ZC2HC1A: variants seen among roughly 807,000 people sequenced by gnomAD.
The protein encoded by ZC2HC1A is zinc finger C2HC domain-containing protein 1A.
In ZC2HC1A, 28 loss-of-function variants were observed where a neutral mutation model predicts 40.7. The ratio of observed to expected loss-of-function variants is 0.69; its 90% CI spans 0.51 to 0.94. The LOEUF (loss-of-function observed/expected upper bound fraction) is 0.94, where lower values mean the gene tolerates loss of function less well. ZC2HC1A is among the 40% of genes least tolerant of loss of function. ZC2HC1A has a pLI of 0.00. For synonymous variants in ZC2HC1A, 129 were observed against 129.2 expected, an observed-to-expected ratio of 1.00 and a Z score of 0.01; for missense variants, 389 against 386.3, an observed-to-expected ratio of 1.01 and a Z score of -0.06.
chr8:78,669,412 C>T (rs1412990841), intron 1 of ZC2HC1A, among the ~76,000 whole-genome samples: 3 of 152,100 alleles, frequency 2.0e-5, no homozygotes, highest in Non-Finnish European at 4.4e-5. Flanking sequence ...ATAGGAGGCC[C>T]TCTCAGTGTG....
intron 7 of ZC2HC1A, among the ~76,000 whole-genome samples, chr8:78,705,035 A>G (rs1161246345): frequency 1.3e-5 from 2 of 152,070 alleles, no homozygotes; most frequent in African/African-American, 2.4e-5. Context: ...CTTTCATTGG[A>G]TTACAATGTA....
At position 78,685,200 on chromosome 8, in the gene ZC2HC1A, G is replaced by T. The variant is rs376510487; in HGVS notation, c.211-1267G>T. 4.3e-4 allele frequency among the ~76,000 whole-genome samples: 66 copies of T among 152,252 alleles called. 1 individual carries two copies. In the South Asian group the frequency reaches 0.013, roughly 31 times the overall value. On this transcript the variant is annotated intron_variant, in intron 3 of 8. Coordinates refer to ENST00000263849, the MANE Select transcript of ZC2HC1A (RefSeq NM_016010.3). The stretch of plus-strand genomic sequence containing the variant: ...ATTATACAGGTGTTATTTCAATTCT[G>T]TTGTGGGGGGACAGGGAGGGGAGAG...
chr8:78,675,680 T>C, intron 1 of ZC2HC1A, 107 bp from the exon 2 acceptor site: 1 of 1,049,456 alleles, frequency 9.5e-7, no homozygotes, highest in Non-Finnish European at 1.4e-6. Flanking sequence ...AAAACATTTT[T>C]CACAAAAACT....
At chr8:78,690,448 T>C (rs1263125009) in intron 5 of ZC2HC1A, among the ~76,000 whole-genome samples, 3 of 151,750 alleles carry the variant, frequency 2.0e-5, no homozygotes, top group African/African-American at 7.3e-5. Context: ...TAGTCCCAGC[T>C]ACTTGGGAGG....
At chr8:78,713,403 A>G (rs568526543) in intron 7 of ZC2HC1A, among the ~76,000 whole-genome samples, 1 of 152,110 alleles carries the variant, frequency 6.6e-6, no homozygotes, top group East Asian at 1.9e-4. Flanking sequence ...TTATGTGTAT[A>G]TATTCATGGG....
intron 4 of ZC2HC1A, among the ~76,000 whole-genome samples, chr8:78,687,328 C>G (rs994653731): frequency 6.6e-6 from 1 of 151,366 alleles, no homozygotes; most frequent in Middle Eastern, 3.2e-3. Context: ...TTTAGCAAAT[C>G]TAGATATGAT....
chr8:78,700,652 CTT>C (rs1205049778), intron 7 of ZC2HC1A, among the ~76,000 whole-genome samples: 2 of 152,098 alleles, frequency 1.3e-5, no homozygotes, highest in African/African-American at 4.8e-5. Context: ...TTACATTAGT[CTT>C]TAATCCATCT....
chr8:78,698,955 A>T lies in ZC2HC1A; in HGVS notation c.704+442A>T, dbSNP rs553234359. ...TAGCTGTTAAAGTTAGACGCAATAT[A>T]TAAATTGGGATATCTTTGACTGTAA... is the stretch of plus-strand genomic sequence containing the variant. On this transcript the variant is annotated intron_variant, in intron 7 of 8. Transcript: ENST00000263849. Among the ~76,000 whole-genome samples, 3 of 152,310 alleles carry T rather than the reference A, an allele frequency of 2.0e-5. No individual in the cohort carries two copies. The East Asian group carries it at 5.8e-4, about 29-fold the overall frequency.
intron 3 of ZC2HC1A, among the ~76,000 whole-genome samples, chr8:78,685,679 A>G (rs914017565): frequency 6.6e-6 from 1 of 152,234 alleles, no homozygotes; most frequent in African/African-American, 2.4e-5. Context: ...GCTCAGTCTC[A>G]ATCATTATAA....
intron 2 of ZC2HC1A, 23 bp from the exon 3 acceptor site, chr8:78,678,540 G>C (rs1262310413): frequency 6.4e-7 from 1 of 1,557,760 alleles, no homozygotes; most frequent in Non-Finnish European, 8.7e-7. Flanking sequence ...AAAATGATAG[G>C]CTGCATTTCT....
intron 5 of ZC2HC1A, among the ~76,000 whole-genome samples, chr8:78,695,666 A>G (rs1810377965): frequency 6.6e-6 from 1 of 152,156 alleles, no homozygotes. Context: ...CTATATATAT[A>G]TAGTGGCCCA....
chr8:78,700,636 T>C (rs779983529), intron 7 of ZC2HC1A, among the ~76,000 whole-genome samples: 15 of 152,182 alleles, frequency 9.9e-5, no homozygotes, highest in Non-Finnish European at 5.9e-5. Context: ...TTTATAGTTT[T>C]TGGTTTTACA....
rs769509602 is a variant in ZC2HC1A, at chr8:78,717,337, G to T, written c.822G>T (p.Gly274=). 4 of 1,607,164 alleles carry T rather than the reference G, an allele frequency of 2.5e-6. No homozygotes were observed. In the South Asian group the frequency reaches 4.5e-5, roughly 18 times the overall value. ...YTESYIARPD[G]DCASSLNGGN... The stretch of plus-strand genomic sequence containing the variant: ...TTCTTTACTTTTTTAGGCCAGATGG[G>T]GACTGTGCATCTTCCCTTAATGGTG... Residue 274 remains glycine (G), a synonymous_variant, in exon 9 of 9, where the codon GGG becomes GGT. Coordinates refer to ENST00000263849, the MANE Select transcript of ZC2HC1A (RefSeq NM_016010.3).
intron 7 of ZC2HC1A, among the ~76,000 whole-genome samples, chr8:78,705,537 C>T (rs1810744466): frequency 6.6e-6 from 1 of 152,004 alleles, no homozygotes; most frequent in Non-Finnish European, 1.5e-5. Flanking sequence ...TGGGAGGCTC[C>T]ACCTGGTGAT....
At chr8:78,679,019 T>A (rs1173305006) in intron 3 of ZC2HC1A, 2 of 158,178 alleles carry the variant, frequency 1.3e-5, no homozygotes, top group East Asian at 3.6e-4. Context: ...TAACTTAAGT[T>A]TTGATTCATT....
At chr8:78,691,776 A>G (rs1810221045) in intron 5 of ZC2HC1A, among the ~76,000 whole-genome samples, 1 of 152,082 alleles carries the variant, frequency 6.6e-6, no homozygotes, top group African/African-American at 2.4e-5. Flanking sequence ...ATATCTATGG[A>G]TATTTTTATT....
intron 5 of ZC2HC1A, among the ~76,000 whole-genome samples, chr8:78,690,042 A>G (rs1187222777): frequency 6.6e-6 from 1 of 152,146 alleles, no homozygotes; most frequent in Non-Finnish European, 1.5e-5. Flanking sequence ...TTTTAGCACG[A>G]TTTGTTTAAA....
intron 3 of ZC2HC1A, among the ~76,000 whole-genome samples, chr8:78,680,236 G>A (rs992701587): frequency 8.1e-5 from 10 of 124,216 alleles, no homozygotes; most frequent in African/African-American, 2.8e-4. Context: ...CTAGAAAAAA[G>A]CAAAGTACAG....
At chr8:78,692,533 T>C (rs960638691) in intron 5 of ZC2HC1A, among the ~76,000 whole-genome samples, 1 of 152,178 alleles carries the variant, frequency 6.6e-6, no homozygotes, top group Admixed American at 6.5e-5. Context: ...TCTGTTTTGT[T>C]CTTTTGCAAA....
Sources: allele counts gnomAD v4.1 joint callset (sites outside exome capture counted in the v4.1 genomes callset), GRCh38; gene constraint gnomAD v4.1.1; transcripts MANE v1.5; gene names NCBI Gene and HGNC (gene_info 2026-07-23, HGNC 2026-07-21).